Variants in ZNF695 observed in about 807,000 individuals in gnomAD.
The protein encoded by ZNF695 is zinc finger protein 695.
A neutral mutation model predicts 11.2 loss-of-function variants in ZNF695; 11 were observed. The observed-to-expected ratio is 0.98, with a 90% confidence interval of 0.62 to 1.62. The LOEUF (loss-of-function observed/expected upper bound fraction) is 1.62. Among genes scored for constraint, ZNF695 ranks in the 40% most tolerant of loss-of-function variants. The pLI, the probability that ZNF695 is intolerant of heterozygous loss-of-function variation, is 0.00. For synonymous variants in ZNF695, 190 were observed against 201.4 expected, an observed-to-expected ratio of 0.94 and a Z score of 0.48; for missense variants, 559 against 590.5, an observed-to-expected ratio of 0.95 and a Z score of 0.55.
At chr1:246,982,826 A>G (rs1349381965), downstream of ZNF695, among the ~76,000 whole-genome samples, 1 of 152,140 alleles carries the variant, frequency 6.6e-6, no homozygotes, top group African/African-American at 2.4e-5. Context: ...TTTTCTCCGT[A>G]CAACTCTTAC....
intron 5 of ZNF695, among the ~76,000 whole-genome samples, chr1:246,946,338 C>G (rs1223367362): frequency 6.6e-6 from 1 of 152,088 alleles, no homozygotes; most frequent in Non-Finnish European, 1.5e-5. Flanking sequence ...AAGCCTTTGC[C>G]TGTTCTTGCC....
At chr1:246,957,910 T>C (rs1668041293) in intron 5 of ZNF695, among the ~76,000 whole-genome samples, 1 of 152,158 alleles carries the variant, frequency 6.6e-6, no homozygotes, top group Admixed American at 6.5e-5. Flanking sequence ...TTTCTAAAGA[T>C]GGTTGCACCT....
rs769658938 is a variant in ZNF695, at chr1:246,945,723, C to T, written c.*74G>A. 221 of 1,500,032 alleles carry T rather than the reference C, an allele frequency of 1.5e-4. 1 individual carries two copies. The highest frequency in any genetic ancestry group is 1.8e-4 in the Non-Finnish European group (195 of 1,102,704). 92.9% of individuals were successfully genotyped at this position (1,500,032 alleles called of 1,614,324 possible). On this transcript the variant is annotated 3_prime_UTR_variant, in exon 6 of 6. Coordinates refer to the ZNF695 transcript ENST00000487338. Reference sequence around the variant, plus strand: ...GAACTCGGGCTGACGCAGCTGGACCCGGTGTAAATTCGCCTCACGGAGCAG... The same window carrying T: ...GAACTCGGGCTGACGCAGCTGGACCTGGTGTAAATTCGCCTCACGGAGCAG...
In ZNF695 at chr1:246,975,655, G is replaced by A. The variant is rs142612807; in HGVS notation, c.391-7863C>T. On this transcript the variant is annotated intron_variant, in intron 4 of 5. Transcript: ENST00000487338. ...TGGCATGCAAATGCTGAGGGCTGAG[G>A]AGTAATCATGAGGCAGAGGAGCTAG... Among the ~76,000 whole-genome samples the A allele has an allele frequency of 4.9e-3, 752 of 152,302 alleles. 8 individuals are homozygous for A. Among genetic ancestry groups the A allele is most frequent in the African/African-American group, 0.016 (679 of 41,552 alleles).
chr1:246,952,906 G>A (rs1266692767), intron 5 of ZNF695, among the ~76,000 whole-genome samples: 2 of 149,344 alleles, frequency 1.3e-5, no homozygotes, highest in East Asian at 1.9e-4. Context: ...GGGCAACATA[G>A]TGAGGCCTTA....
downstream of ZNF695, among the ~76,000 whole-genome samples, chr1:246,985,042 A>G (rs894390658): frequency 6.6e-6 from 1 of 152,208 alleles, no homozygotes; most frequent in Non-Finnish European, 1.5e-5. Context: ...TGAGGTTTCT[A>G]GTTTGCTAAT....
downstream of ZNF695, among the ~76,000 whole-genome samples, chr1:246,981,673 G>C (rs1194296112): frequency 2.0e-5 from 3 of 152,072 alleles, no homozygotes; most frequent in African/African-American, 7.2e-5. Flanking sequence ...TTTAAGCTTG[G>C]GGGTACCTGG....
Position 246,985,763 on chromosome 1 carries a change from A to C in ZNF695, c.*1204T>G. ...TATAATGCAGAATAGTACTCTGAAG[A>C]CCTATCTCATGAATCACTTACAACC... On this transcript the variant is annotated 3_prime_UTR_variant, in exon 4 of 4. Transcript: ENST00000339986. 1 of 985,418 alleles carries C rather than the reference A, an allele frequency of 1.0e-6. No individual in the cohort carries two copies. The highest frequency in any genetic ancestry group is 1.2e-6 in the Non-Finnish European group (1 of 829,922). The allele number at this position is 985,418 out of a possible 1,614,324, so 61.0% of individuals were successfully genotyped here.
intron 5 of ZNF695, among the ~76,000 whole-genome samples, chr1:246,962,441 T>C (rs533101852): frequency 1.3e-5 from 2 of 152,318 alleles, no homozygotes; most frequent in Admixed American, 6.5e-5. Flanking sequence ...AGACGATTTG[T>C]TTACCACGTC....
At chr1:246,958,247 A>G (rs1289614696) in intron 5 of ZNF695, among the ~76,000 whole-genome samples, 2 of 151,856 alleles carry the variant, frequency 1.3e-5, no homozygotes, top group Non-Finnish European at 2.9e-5. Context: ...TTTAGTAGAG[A>G]CAGGGTTTCA....
chr1:246,963,203 C>T (rs766383030), intron 5 of ZNF695, among the ~76,000 whole-genome samples: 17 of 152,226 alleles, frequency 1.1e-4, no homozygotes, highest in Non-Finnish European at 1.8e-4. Context: ...ACCCCTGCCA[C>T]TGCTTCTGCA....
At chr1:246,962,579 C>T (rs1431568644) in intron 5 of ZNF695, among the ~76,000 whole-genome samples, 3 of 152,162 alleles carry the variant, frequency 2.0e-5, no homozygotes, top group South Asian at 2.1e-4. Context: ...CAAGTGGCTT[C>T]CGTGGGGCTG....
intron 4 of ZNF695, among the ~76,000 whole-genome samples, chr1:246,972,027 C>T (rs1668441265): frequency 6.6e-6 from 1 of 152,166 alleles, no homozygotes; most frequent in Admixed American, 6.5e-5. Context: ...CTCCTTCCCT[C>T]CCCCGGCTCA....
At chr1:246,947,131 C>T (rs1337393526) in intron 5 of ZNF695, among the ~76,000 whole-genome samples, 1 of 101,438 alleles carries the variant, frequency 9.9e-6, no homozygotes, top group Non-Finnish European at 2.0e-5. Context: ...CAAAGCGAGA[C>T]TCCGTCAAAA....
At chr1:246,947,101 C>CT (rs1168934722) in intron 5 of ZNF695, among the ~76,000 whole-genome samples, 3 of 140,568 alleles carry the variant, frequency 2.1e-5, no homozygotes, top group Non-Finnish European at 4.5e-5. Flanking sequence ...GATCGGGCCA[C>CT]TGCACTCCAG....
intron 1 of ZNF695, among the ~76,000 whole-genome samples, chr1:247,001,505 A>G (rs909754186): frequency 6.6e-6 from 1 of 151,960 alleles, no homozygotes; most frequent in African/African-American, 2.4e-5. Context: ...TGAGGTCAGG[A>G]GTTTGAGACC....
downstream of ZNF695, among the ~76,000 whole-genome samples, chr1:246,982,776 A>G (rs1398414933): frequency 1.3e-5 from 2 of 149,762 alleles, no homozygotes; most frequent in Non-Finnish European, 3.0e-5. Context: ...ATCTCTATCT[A>G]TTTATATCCT....
At chr1:246,996,084 G>A (rs887498978) in intron 3 of ZNF695, 5 of 448,704 alleles carry the variant, frequency 1.1e-5, no homozygotes, top group African/African-American at 2.0e-5. Context: ...GGTGGCCCGT[G>A]CCTGTAATCC....
intron 3 of ZNF695, 88 bp downstream of exon 3, chr1:246,999,260 T>C (rs1669294494): frequency 9.4e-7 from 1 of 1,063,186 alleles, no homozygotes; most frequent in Non-Finnish European, 1.4e-6. Context: ...TTCCTGGGAG[T>C]AGAGCTTCCC....
Sources: gnomAD v4.1 joint callset for allele counts (sites outside exome capture counted in the v4.1 genomes callset) on GRCh38, gnomAD v4.1.1 for gene constraint, MANE v1.5 for transcripts, NCBI Gene and HGNC (gene_info 2026-07-23, HGNC 2026-07-21) for gene names.